The following MYLK4 variants were observed in gnomAD, a reference collection of about 807,000 sequenced individuals.
The protein encoded by MYLK4 is caMLCK like.
MYLK4 carries 46 observed loss-of-function variants against 48.1 expected under a neutral mutation model. The ratio of observed to expected loss-of-function variants is 0.96; its 90% CI spans 0.75 to 1.22. The LOEUF is 1.22. Among genes scored for constraint, MYLK4 ranks in the 50% most tolerant of loss-of-function variants. MYLK4 has a pLI of 0.00. For missense variants in MYLK4, 451 were observed against 486.1 expected (o/e 0.93, Z 0.68); for synonymous variants, 170 against 180.8 (o/e 0.94, Z 0.48).
chr6:2,727,715 G>A (rs1460506455), intron 2 of MYLK4, among the ~76,000 whole-genome samples: 3 of 152,168 alleles, frequency 2.0e-5, no homozygotes, highest in Admixed American at 1.3e-4. Flanking sequence ...TTGGGAGGCC[G>A]AGGTGGGCGG....
intron 2 of MYLK4, among the ~76,000 whole-genome samples, chr6:2,702,721 C>T (rs953634275): frequency 1.3e-5 from 2 of 152,164 alleles, no homozygotes; most frequent in Non-Finnish European, 2.9e-5. Context: ...ACCCTTTCTA[C>T]AATGTATACA....
the MYLK4 span, among the ~76,000 whole-genome samples, chr6:2,763,686 G>A: frequency 2.0e-5 from 3 of 152,238 alleles, no homozygotes; most frequent in East Asian, 1.9e-4. Context: ...AGCCAGCTCC[G>A]GCCTTGGCCC....
intron 2 of MYLK4, among the ~76,000 whole-genome samples, chr6:2,744,463 T>C (rs2113369515): frequency 6.6e-6 from 1 of 152,266 alleles, no homozygotes; most frequent in South Asian, 2.1e-4. Flanking sequence ...AAATGCAACT[T>C]GAAAAATCAC....
intron 2 of MYLK4, among the ~76,000 whole-genome samples, chr6:2,709,753 T>C (rs1582078495): frequency 6.6e-6 from 1 of 152,352 alleles, no homozygotes; most frequent in Non-Finnish European, 1.5e-5. Flanking sequence ...TTGTGCTAAA[T>C]GGAAAGTGAA....
At chr6:2,686,111 A>G (rs773736971) in intron 4 of MYLK4, among the ~76,000 whole-genome samples, 32 of 150,560 alleles carry the variant, frequency 2.1e-4, no homozygotes, top group South Asian at 6.4e-4. Context: ...AAAAAAAAAG[A>G]ATCCAGGATT....
the MYLK4 span, chr6:2,768,680 A>T: frequency 1.3e-6 from 2 of 1,587,862 alleles, no homozygotes; most frequent in Admixed American, 1.8e-5. Context: ...CATGTATGTC[A>T]TCTTTTCTAG....
chr6:2,688,830 T>C lies in MYLK4; in HGVS notation c.341+21A>G, dbSNP rs6935206. The C allele has an allele frequency of 0.13, 205,862 of 1,588,790 alleles. 15,463 individuals are homozygous for C. The highest frequency in any genetic ancestry group is 0.31 in the African/African-American group (23,306 of 74,442). On this transcript the variant is annotated intron_variant, in intron 4 of 12. Transcript: ENST00000274643. ...GCTCTCTTCTTTTGTTGAGAGAATA[T>C]TAACATTCAGCCTTACTCACCCTCC...
At chr6:2,749,456 G>A in intron 1 of MYLK4, 50 bp from the exon 2 acceptor site, 1 of 494,356 alleles carries the variant, frequency 2.0e-6, no homozygotes, top group Non-Finnish European at 3.5e-6. Flanking sequence ...TCATGCATTT[G>A]ACTTCTTGAG....
At chr6:2,738,454 G>A (rs1457024245) in intron 2 of MYLK4, among the ~76,000 whole-genome samples, 2 of 152,224 alleles carry the variant, frequency 1.3e-5, no homozygotes, top group Non-Finnish European at 2.9e-5. Flanking sequence ...GTCTTTCCTA[G>A]CAGCTTCTGT....
intron 10 of MYLK4, among the ~76,000 whole-genome samples, chr6:2,675,366 T>A (rs1406289012): frequency 6.6e-6 from 1 of 152,234 alleles, no homozygotes; most frequent in African/African-American, 2.4e-5. Context: ...TGTTAATAAC[T>A]GAACATTTAC....
chr6:2,768,669 C>G, the MYLK4 span: 1 of 1,579,794 alleles, frequency 6.3e-7, no homozygotes, highest in Non-Finnish European at 8.6e-7. Flanking sequence ...TTTTCAAACT[C>G]CATGTATGTC....
intron 2 of MYLK4, among the ~76,000 whole-genome samples, chr6:2,714,419 C>T (rs1417417624): frequency 6.6e-6 from 1 of 152,238 alleles, no homozygotes; most frequent in Non-Finnish European, 1.5e-5. Context: ...GCCAATACCC[C>T]ACACATTGCA....
At position 2,685,371 on chromosome 6, in the gene MYLK4, T is replaced by G; in HGVS notation, c.470A>C (p.Gln157Pro). 1 of 1,612,196 alleles carries G rather than the reference T, an allele frequency of 6.2e-7. No individual in the cohort carries two copies. Among genetic ancestry groups the G allele is most frequent in the Non-Finnish European group, 8.5e-7 (1 of 1,179,396 alleles). The change falls in exon 6 of 13, where the codon CAG becomes CCG. Residue 157 changes from glutamine to proline, a missense_variant. Physicochemically the swap from Gln to Pro is moderately conservative, Grantham distance 76. Transcript: ENST00000274643. This position sits in a 1 kb window ranked among gnomAD's most constrained non-coding sequence, Gnocchi z 4.5. ...CTGGATGAGGTTCGCGTGGTCCAGC[T>G]GGTTCATGACGCTGATCTCGTTCTT... is the stretch of plus-strand genomic sequence containing the variant. ...EVKNEISVMN[Q>P]LDHANLIQLY...
chr6:2,767,334 G>C, the MYLK4 span, among the ~76,000 whole-genome samples: 1 of 152,250 alleles, frequency 6.6e-6, no homozygotes, highest in Non-Finnish European at 1.5e-5. Context: ...GGAAGGGAAA[G>C]GGAGAATTCA....
chr6:2,742,202 C>T (rs1327540095), intron 2 of MYLK4, among the ~76,000 whole-genome samples: 1 of 152,178 alleles, frequency 6.6e-6, no homozygotes, highest in Non-Finnish European at 1.5e-5. Flanking sequence ...GAACTTGATG[C>T]TCCAGAAATA....
intron 2 of MYLK4, among the ~76,000 whole-genome samples, chr6:2,745,924 CAA>C (rs1224875872): frequency 1.6e-4 from 19 of 119,522 alleles, no homozygotes; most frequent in Admixed American, 2.6e-4. Flanking sequence ...GAAGCTGTCT[CAA>C]AAAAAAAAAA....
the MYLK4 span, among the ~76,000 whole-genome samples, chr6:2,765,182 ACCCCC>A: frequency 1.4e-5 from 1 of 72,924 alleles, no homozygotes; most frequent in East Asian, 3.6e-4. Flanking sequence ...TCGCCTCGCA[ACCCCC>A]CCCCCCGCCC....
chr6:2,763,032 T>C, the MYLK4 span, among the ~76,000 whole-genome samples: 5 of 152,214 alleles, frequency 3.3e-5, no homozygotes, highest in African/African-American at 1.2e-4. Flanking sequence ...TCGCCAGCTC[T>C]AGCAGCCTGC....
At chr6:2,768,559 G>T in the MYLK4 span, 1 of 604,852 alleles carries the variant, frequency 1.7e-6, no homozygotes, top group Non-Finnish European at 2.7e-6. Context: ...GATTGTTTCT[G>T]TGCTGCTCAG....
Sources: allele counts gnomAD v4.1 joint callset (sites outside exome capture counted in the v4.1 genomes callset), GRCh38; gene constraint gnomAD v4.1.1; non-coding constraint Gnocchi (gnomAD v3.1); transcripts MANE v1.5; gene names NCBI Gene and HGNC (gene_info 2026-07-23, HGNC 2026-07-21).